Variants in RAG1 observed in about 807,000 individuals in gnomAD.
The protein encoded by RAG1 is V(D)J recombination-activating protein 1.
In RAG1, 35 loss-of-function variants were observed where a neutral mutation model predicts 62.7. That is an observed-to-expected ratio of 0.56 (90% CI 0.43 to 0.74). The LOEUF (loss-of-function observed/expected upper bound fraction) is 0.74. RAG1 is among the 30% of genes least tolerant of loss of function. The pLI, the probability that RAG1 is intolerant of heterozygous loss-of-function variation, is 0.00. For missense variants in RAG1, 1,169 were observed against 1,278.6 expected (o/e 0.91, Z 1.31); for synonymous variants, 461 against 470.3 (o/e 0.98, Z 0.26).
Position 36,574,628 on chromosome 11 carries a change from C to G in RAG1, c.1324C>G (p.Leu442Val). The change falls in exon 2 of 2, where the codon CTG becomes GTG. Residue 442 changes from leucine (L) to valine (V), a missense_variant. Coordinates refer to ENST00000299440, the MANE Select transcript of RAG1 (RefSeq NM_000448.3). ...GTGCATGACCTTGTTCCTGCTGGCT[C>G]TGAGGGCGAGGAATGAGCACAGGCA... ...SVCMTLFLLA[L>V]RARNEHRQAD... 6.2e-7 allele frequency: 1 copy of G among 1,614,226 alleles called. No individual in the cohort carries two copies. The highest frequency in any genetic ancestry group is 8.5e-7 in the Non-Finnish European group (1 of 1,180,046).
intron 2 of RAG1, among the ~76,000 whole-genome samples, chr11:36,528,822 G>A (rs1478036571): frequency 3.3e-5 from 5 of 152,054 alleles, no homozygotes; most frequent in African/African-American, 7.2e-5. Context: ...TATCACCACC[G>A]ATCCCACAGA....
intron 3 of RAG1, among the ~76,000 whole-genome samples, chr11:36,558,865 T>A (rs1052176985): frequency 3.3e-5 from 5 of 152,220 alleles, no homozygotes; most frequent in African/African-American, 1.2e-4. Flanking sequence ...TTACTGTTTA[T>A]CTTTGTGTGG....
chr11:36,560,261 G>A (rs185362476), intron 3 of RAG1, among the ~76,000 whole-genome samples: 121 of 152,290 alleles, frequency 7.9e-4, no homozygotes, highest in African/African-American at 2.9e-3. Context: ...GTACAGTATT[G>A]CCAGTGGTGG....
Position 36,573,511 on chromosome 11 carries a change from T to G in RAG1, c.207T>G (p.Ala69=). 1 of 1,614,212 alleles carries G rather than the reference T, an allele frequency of 6.2e-7. No homozygotes were observed. Among genetic ancestry groups the G allele is most frequent in the Non-Finnish European group, 8.5e-7 (1 of 1,180,046 alleles). Residue 69 remains alanine (A), a synonymous_variant, in exon 2 of 2, where the codon GCT becomes GCG. Transcript: ENST00000299440. The part of the protein sequence containing the change: ...LEQSPAVLDK[A]DGQKPVPTQP... ...AATCTCCAGCAGTCCTGGACAAGGC[T>G]GATGGTCAGAAGCCAGTCCCAACTC... is the stretch of plus-strand genomic sequence containing the variant.
chr11:36,511,094 A>G (rs1486694766), intron 1 of RAG1: 3 of 152,186 alleles, frequency 2.0e-5, no homozygotes, highest in African/African-American at 7.2e-5. Context: ...TAACATGGGG[A>G]TAATAATAGT....
chr11:36,538,502 G>A (rs1410949368), downstream of RAG1, among the ~76,000 whole-genome samples: 5 of 152,128 alleles, frequency 3.3e-5, no homozygotes, highest in Admixed American at 2.6e-4. Context: ...TAGGTTTTTG[G>A]TTTGTTGTAC....
At chr11:36,536,386 C>T (rs1860327125), downstream of RAG1, among the ~76,000 whole-genome samples, 2 of 152,072 alleles carry the variant, frequency 1.3e-5, no homozygotes, top group Admixed American at 6.6e-5. Context: ...ATTTATTGCT[C>T]TTTTATTTAT....
At position 36,573,621 on chromosome 11, in the gene RAG1, AC is replaced by A. The variant is rs765968343; in HGVS notation, c.319del (p.Leu107PhefsTer32). 6.2e-7 allele frequency: 1 copy of A among 1,614,044 alleles called. No individual in the cohort carries two copies. The highest frequency in any genetic ancestry group is 8.5e-7 in the Non-Finnish European group (1 of 1,180,036). The part of the protein sequence containing the change: ...KARGKAIHQA[N>X]LRHLCRICGN... ...AGAGGCAAAGCGATCCATCAAGCCA[AC>A]CTTCGACATCTCTGCCGCATCTGTG... On this transcript the variant is annotated frameshift_variant, in exon 2 of 2. Transcript: ENST00000299440. LOFTEE classifies it high-confidence loss of function.
chr11:36,576,228 G>A lies in RAG1; in HGVS notation c.2924G>A (p.Arg975Gln), dbSNP rs150739647. 73 of 1,613,964 alleles carry A rather than the reference G, an allele frequency of 4.5e-5. No individual in the cohort carries two copies. Among genetic ancestry groups the A allele is most frequent in the Non-Finnish European group, 5.2e-5 (61 of 1,180,034 alleles). The stretch of plus-strand genomic sequence containing the variant: ...GGTAACAAACTGTTTAGGCGCTTCC[G>A]GAAAATGAATGCCAGGCAGTCCAAA... ...ESGNKLFRRFRKMNARQSKCY... is the reference protein window; with the variant it reads ...ESGNKLFRRFQKMNARQSKCY... Residue 975 changes from arginine to glutamine, a missense_variant, in exon 2 of 2, where the codon CGG becomes CAG. Arg to Gln is a conservative substitution (Grantham distance 43). Coordinates refer to ENST00000299440, the MANE Select transcript of RAG1 (RefSeq NM_000448.3).
intron 3 of RAG1, among the ~76,000 whole-genome samples, chr11:36,548,417 G>A (rs1850430519): frequency 6.6e-6 from 1 of 152,152 alleles, no homozygotes; most frequent in Non-Finnish European, 1.5e-5. Context: ...AGCAACTTCA[G>A]CAAAGTCTCG....
At chr11:36,543,327 A>G (rs1259346413) in intron 3 of RAG1, among the ~76,000 whole-genome samples, 1 of 152,170 alleles carries the variant, frequency 6.6e-6, no homozygotes, top group African/African-American at 2.4e-5. Context: ...GTCCAGCATC[A>G]GAGAACCCAC....
At chr11:36,546,055 C>T (rs1850387675) in intron 3 of RAG1, among the ~76,000 whole-genome samples, 1 of 152,130 alleles carries the variant, frequency 6.6e-6, no homozygotes, top group Non-Finnish European at 1.5e-5. Flanking sequence ...AATGTATAGT[C>T]TGTTGATTTG....
At chr11:36,559,000 G>A (rs1382062035) in intron 3 of RAG1, among the ~76,000 whole-genome samples, 2 of 152,084 alleles carry the variant, frequency 1.3e-5, no homozygotes, top group Admixed American at 6.5e-5. Flanking sequence ...CAGATATAGG[G>A]CTCCCTTAAT....
intron 3 of RAG1, among the ~76,000 whole-genome samples, chr11:36,546,787 C>G (rs1037751345): frequency 6.6e-6 from 1 of 152,236 alleles, no homozygotes; most frequent in Non-Finnish European, 1.5e-5. Flanking sequence ...GACAAAATCT[C>G]TCAGCATTTG....
At chr11:36,570,612 G>A (rs1010107874) in intron 1 of RAG1, among the ~76,000 whole-genome samples, 1 of 152,062 alleles carries the variant, frequency 6.6e-6, no homozygotes, top group African/African-American at 2.4e-5. Context: ...TCTTCATAGT[G>A]GCTGTACTAA....
intron 2 of RAG1, among the ~76,000 whole-genome samples, chr11:36,527,815 T>C (rs1860188281): frequency 6.6e-6 from 1 of 152,180 alleles, no homozygotes; most frequent in South Asian, 2.1e-4. Context: ...TTCCTAGCTA[T>C]TTTATTCTCT....
chr11:36,558,192 A>G (rs1423170171), intron 3 of RAG1, among the ~76,000 whole-genome samples: 1 of 152,218 alleles, frequency 6.6e-6, no homozygotes, highest in Admixed American at 6.5e-5. Flanking sequence ...GTGGCATAAC[A>G]TATAATCTAT....
chr11:36,512,688 A>G (rs1049683090), intron 1 of RAG1, among the ~76,000 whole-genome samples: 2 of 152,232 alleles, frequency 1.3e-5, no homozygotes, highest in African/African-American at 4.8e-5. Context: ...ATAATTGAAT[A>G]TTCCTATTAG....
Position 36,575,728 on chromosome 11 carries a change from C to T in RAG1, c.2424C>T (p.Tyr808=). 2 of 1,614,198 alleles carry T rather than the reference C, an allele frequency of 1.2e-6. No homozygotes were observed. The highest frequency in any genetic ancestry group is 2.2e-5 in the South Asian group (2 of 91,086). Residue 808 remains tyrosine (Y), a synonymous_variant, in exon 2 of 2, where the codon TAC becomes TAT. Coordinates refer to ENST00000299440, the MANE Select transcript of RAG1 (RefSeq NM_000448.3). The surrounding 1 kb of genome is among the most constrained non-coding windows in gnomAD (Gnocchi z 4.1). The part of the protein sequence containing the change: ...HCDIGNAAEF[Y]KIFQLEIGEV... ...ACATTGGCAATGCAGCTGAGTTCTA[C>T]AAGATCTTCCAGCTAGAGATAGGGG...
Sources: allele counts gnomAD v4.1 joint callset (sites outside exome capture counted in the v4.1 genomes callset), GRCh38; gene constraint gnomAD v4.1.1; non-coding constraint Gnocchi (gnomAD v3.1); transcripts MANE v1.5; gene names NCBI Gene and HGNC (gene_info 2026-07-23, HGNC 2026-07-21).